The following COL5A2 variants were observed in gnomAD, a reference collection of about 807,000 sequenced individuals.
The protein encoded by COL5A2 is collagen alpha-2(V) chain.
Under a neutral mutation model 208.2 loss-of-function variants are expected in COL5A2, and 23 were observed. That is an observed-to-expected ratio of 0.11 (90% CI 0.08 to 0.16). The LOEUF is 0.16. COL5A2 is among the 10% of genes least tolerant of loss of function. The pLI is 1.00. For missense variants in COL5A2, 1,590 were observed against 1,956.4 expected (o/e 0.81, Z 3.53); for synonymous variants, 625 against 628.5 (o/e 0.99, Z 0.08).
At chr2:189,387,065 A>T in the COL5A2 span, among the ~76,000 whole-genome samples, 1 of 152,214 alleles carries the variant, frequency 6.6e-6, no homozygotes, top group Non-Finnish European at 1.5e-5. Context: ...GAATCAACCT[A>T]GGTGCCCATC....
intron 1 of COL5A2, among the ~76,000 whole-genome samples, chr2:189,111,839 C>G (rs1687268867): frequency 6.6e-6 from 1 of 151,242 alleles, no homozygotes; most frequent in Non-Finnish European, 1.5e-5. Context: ...GACTAGGCGT[C>G]TTGTTCATCA....
intron 8 of COL5A2, among the ~76,000 whole-genome samples, chr2:189,087,376 C>A (rs987775422): frequency 2.9e-4 from 44 of 151,808 alleles, no homozygotes; most frequent in African/African-American, 9.9e-4. Flanking sequence ...AACAAAAATG[C>A]GATTTTAGAA....
At chr2:189,215,947 C>T (rs182759826) in intron 1 of COL5A2, among the ~76,000 whole-genome samples, 1 of 152,226 alleles carries the variant, frequency 6.6e-6, no homozygotes, top group African/African-American at 2.4e-5. Flanking sequence ...GTTACAGGTG[C>T]AGATTTTTCT....
chr2:189,334,384 A>C, the COL5A2 span, among the ~76,000 whole-genome samples: 1 of 152,028 alleles, frequency 6.6e-6, no homozygotes, highest in Non-Finnish European at 1.5e-5. Flanking sequence ...AAAAAATAAA[A>C]AGTGAATTAG....
intron 1 of COL5A2, among the ~76,000 whole-genome samples, chr2:189,173,241 T>A (rs1688609169): frequency 6.6e-6 from 1 of 152,104 alleles, no homozygotes; most frequent in Admixed American, 6.5e-5. Context: ...CCCAAACTGC[T>A]GAGATTACAG....
intron 18 of COL5A2, among the ~76,000 whole-genome samples, chr2:189,071,676 C>A (rs1686277969): frequency 6.6e-6 from 1 of 152,054 alleles, no homozygotes; most frequent in Admixed American, 6.6e-5. Context: ...TTGTTTGGAA[C>A]ATTCTGCTGT....
At chr2:189,282,037 T>C in the COL5A2 span, among the ~76,000 whole-genome samples, 1 of 151,916 alleles carries the variant, frequency 6.6e-6, no homozygotes. Context: ...ATACAAAAAT[T>C]AGCCAGGCGT....
intron 37 of COL5A2, 106 bp from the exon 38 acceptor site, chr2:189,053,583 A>G (rs2105565415): frequency 9.6e-7 from 1 of 1,042,512 alleles, no homozygotes; most frequent in South Asian, 1.4e-5. Flanking sequence ...GTAAATATAG[A>G]AAAATTACAC....
chr2:189,081,120 CAAA>C, intron 12 of COL5A2, 77 bp from the exon 13 acceptor site: 1 of 1,135,288 alleles, frequency 8.8e-7, no homozygotes, highest in Non-Finnish European at 1.3e-6. Context: ...CATTTTTTCC[CAAA>C]AAATAGCTAG....
Position 189,045,199 on chromosome 2 carries a change from C to A in COL5A2, c.3343G>T (p.Ala1115Ser), listed in dbSNP as rs748601646. The change falls in exon 47 of 54, where the codon GCT becomes TCT. Residue 1115 changes from alanine to serine, a missense_variant. Ala to Ser is a moderately conservative substitution (Grantham distance 99, BLOSUM62 1). Transcript: ENST00000374866. ...CTTACAGGTAATCCACGTTTCCCAG[C>A]TCGACCAGGTGGTCCTATAGGACCC... ...SRGPIGPPGRAGKRGLPGPQG... is the reference protein window; with the variant it reads ...SRGPIGPPGRSGKRGLPGPQG... The A allele has an allele frequency of 1.2e-6, 2 of 1,605,678 alleles. No homozygotes were observed. Among genetic ancestry groups the A allele is most frequent in the South Asian group, 2.2e-5 (2 of 89,166 alleles).
At chr2:189,241,205 T>C in the COL5A2 span, among the ~76,000 whole-genome samples, 13 of 152,308 alleles carry the variant, frequency 8.5e-5, no homozygotes, top group South Asian at 2.1e-3. Flanking sequence ...CTTCCCTTTT[T>C]TCCCTTAATT....
chr2:189,157,124 CTATCTATA>C (rs1320647456), intron 1 of COL5A2, among the ~76,000 whole-genome samples: 1 of 85,902 alleles, frequency 1.2e-5, no homozygotes, highest in African/African-American at 3.4e-5. Flanking sequence ...ATCGATATAT[CTATCTATA>C]TATATATCTA....
At chr2:189,317,343 A>G in the COL5A2 span, among the ~76,000 whole-genome samples, 5 of 152,200 alleles carry the variant, frequency 3.3e-5, no homozygotes, top group Admixed American at 2.0e-4. Context: ...ATTTGATTTC[A>G]ATGTTATTTC....
At chr2:189,267,705 C>T in the COL5A2 span, among the ~76,000 whole-genome samples, 2 of 152,020 alleles carry the variant, frequency 1.3e-5, no homozygotes, top group African/African-American at 2.4e-5. Context: ...AGGGTGACTC[C>T]TACCAAGTCC....
At chr2:189,257,510 G>A in the COL5A2 span, among the ~76,000 whole-genome samples, 1 of 152,026 alleles carries the variant, frequency 6.6e-6, no homozygotes, top group African/African-American at 2.4e-5. Context: ...AACAGATTTT[G>A]CTTTTCTGAA....
At chr2:189,283,809 T>G in the COL5A2 span, among the ~76,000 whole-genome samples, 3 of 152,138 alleles carry the variant, frequency 2.0e-5, no homozygotes, top group African/African-American at 7.2e-5. Flanking sequence ...ATAAATTAAA[T>G]TGAATAATTC....
the COL5A2 span, among the ~76,000 whole-genome samples, chr2:189,244,187 T>A: frequency 2.6e-5 from 4 of 152,250 alleles, no homozygotes; most frequent in African/African-American, 9.6e-5. Context: ...TCATTACTTA[T>A]GCAAATTTCT....
At chr2:189,098,617 C>A in intron 5 of COL5A2, 110 bp downstream of exon 5, 3 of 888,158 alleles carry the variant, frequency 3.4e-6, no homozygotes, top group Non-Finnish European at 5.5e-6. Context: ...TTTAAGAGAC[C>A]AAGTATCATT....
At chr2:189,064,729 G>T in intron 24 of COL5A2, 74 bp from the exon 25 acceptor site, 1 of 1,113,516 alleles carries the variant, frequency 9.0e-7, no homozygotes, top group Non-Finnish European at 1.4e-6. Flanking sequence ...TAAAATTATC[G>T]TTTTACAAAT....
Sources: allele counts gnomAD v4.1 joint callset (sites outside exome capture counted in the v4.1 genomes callset), GRCh38; gene constraint gnomAD v4.1.1; transcripts MANE v1.5; gene names NCBI Gene and HGNC (gene_info 2026-07-23, HGNC 2026-07-21).